Variants in SOX13 observed in about 807,000 individuals in gnomAD.
SOX13 encodes transcription factor SOX-13.
In SOX13, 28 loss-of-function variants were observed where a neutral mutation model predicts 71.8. The ratio of observed to expected loss-of-function variants is 0.39; its 90% CI spans 0.29 to 0.53. The LOEUF (loss-of-function observed/expected upper bound fraction) is 0.53. SOX13 is among the 20% of genes least tolerant of loss of function. The pLI is 0.70. For synonymous variants in SOX13, 309 were observed against 317.8 expected, an observed-to-expected ratio of 0.97 and a Z score of 0.29; for missense variants, 627 against 810.3, an observed-to-expected ratio of 0.77 and a Z score of 2.75.
intron 4 of SOX13, 26 bp from the exon 5 acceptor site, chr1:204,116,481 A>T (rs7551756): frequency 6.2e-7 from 1 of 1,612,432 alleles, no homozygotes; most frequent in East Asian, 2.2e-5. Flanking sequence ...AAAAGTCTCA[A>T]TGGGGTCTGT....
intron 1 of SOX13, among the ~76,000 whole-genome samples, chr1:204,110,804 T>C (rs1395395410): frequency 6.6e-6 from 1 of 152,162 alleles, no homozygotes; most frequent in Non-Finnish European, 1.5e-5. Flanking sequence ...AATACCATAC[T>C]GCACCTGGGA....
intron 4 of SOX13, among the ~76,000 whole-genome samples, chr1:204,115,074 C>G (rs1656660932): frequency 6.6e-6 from 1 of 151,234 alleles, no homozygotes; most frequent in African/African-American, 2.4e-5. Context: ...TGCAGTGGCA[C>G]AATCTTGGCT....
chr1:204,087,845 T>A (rs963925120), intron 1 of SOX13, among the ~76,000 whole-genome samples: 5 of 152,190 alleles, frequency 3.3e-5, no homozygotes, highest in Non-Finnish European at 5.9e-5. Context: ...CCTTCTAGTT[T>A]GGAAGGGCAG....
At chr1:204,077,649 T>G (rs1160908747) in intron 1 of SOX13, among the ~76,000 whole-genome samples, 1 of 152,234 alleles carries the variant, frequency 6.6e-6, no homozygotes, top group African/African-American at 2.4e-5. Context: ...ATGGCTATCA[T>G]GCACACACGC....
intron 1 of SOX13, among the ~76,000 whole-genome samples, chr1:204,076,838 C>T (rs1458385937): frequency 6.6e-6 from 1 of 152,234 alleles, no homozygotes; most frequent in East Asian, 1.9e-4. Context: ...TGTTGACCAC[C>T]TGCTATGTGC....
At chr1:204,115,238 G>A (rs2078375) in intron 4 of SOX13, among the ~76,000 whole-genome samples, 60,529 of 151,148 alleles carry the variant, frequency 0.4, 12,999 homozygotes, top group Middle Eastern at 0.55. Flanking sequence ...GAACCCCTGG[G>A]CCTAAACAGT....
At chr1:204,117,069 G>A in intron 5 of SOX13, 53 bp from the exon 6 acceptor site, 1 of 1,575,362 alleles carries the variant, frequency 6.3e-7, no homozygotes, top group Non-Finnish European at 8.7e-7. Flanking sequence ...GGGCAGACTG[G>A]GCACCAGGGC....
At chr1:204,110,565 A>G (rs1229040011) in intron 1 of SOX13, among the ~76,000 whole-genome samples, 1 of 152,018 alleles carries the variant, frequency 6.6e-6, no homozygotes, top group African/African-American at 2.4e-5. Flanking sequence ...AGTACAGATG[A>G]AATTTCTTTT....
chr1:204,122,200 G>A (rs1251221218), intron 8 of SOX13, 37 bp from the exon 9 acceptor site: 1 of 1,517,592 alleles, frequency 6.6e-7, no homozygotes, highest in East Asian at 2.4e-5. Context: ...GTGTCCTTTG[G>A]TGTCTGTCAT....
Position 204,123,041 on chromosome 1 carries a change from C to G in SOX13, c.1135-71C>G. On this transcript the variant is annotated intron_variant, in intron 10 of 13. Transcript: ENST00000367204. This position sits in a 1 kb window ranked among gnomAD's most constrained non-coding sequence, Gnocchi z 5.0. ...AGTGGAAGACACAGTCTGAGGCCAC[C>G]AAGAGAGGAGCATGGGGAGGAGTGG... is the stretch of plus-strand genomic sequence containing the variant. 1 of 1,519,532 alleles carries G rather than the reference C, an allele frequency of 6.6e-7. No homozygotes were observed. The highest frequency in any genetic ancestry group is 9.1e-7 in the Non-Finnish European group (1 of 1,097,504). The allele number at this position is 1,519,532 out of a possible 1,614,324, so 94.1% of individuals were successfully genotyped here.
At chr1:204,116,036 T>C in intron 4 of SOX13, 1 of 528,200 alleles carries the variant, frequency 1.9e-6, no homozygotes. Flanking sequence ...ACCAAGATTT[T>C]GAAAACCCTA....
At chr1:204,102,172 C>G (rs1032082006) in intron 1 of SOX13, among the ~76,000 whole-genome samples, 1 of 152,192 alleles carries the variant, frequency 6.6e-6, no homozygotes, top group Non-Finnish European at 1.5e-5. Context: ...TAATGCCCAG[C>G]CCACCCCAGT....
Position 204,114,653 on chromosome 1 carries a change from TCTC to T in SOX13, c.418+51_418+53del, listed in dbSNP as rs1183706227. 5 of 1,435,246 alleles carry T rather than the reference TCTC, an allele frequency of 3.5e-6. No individual in the cohort carries two copies. The Admixed American group carries it at 5.0e-5, about 14-fold the overall frequency. 88.9% of individuals were successfully genotyped at this position (1,435,246 alleles called of 1,614,324 possible). ...GGAGATGTTTGAACCCCATCTCTCTTCTCCTGGTCTGGCCACGCAGCCTGGCTC... is the reference window on the plus strand; with the variant it reads ...GGAGATGTTTGAACCCCATCTCTCTTCTGGTCTGGCCACGCAGCCTGGCTC... On this transcript the variant is annotated intron_variant, in intron 4 of 13. Transcript: ENST00000367204.
chr1:204,122,560 T>C, intron 9 of SOX13, 161 bp downstream of exon 9: 2 of 630,436 alleles, frequency 3.2e-6, no homozygotes, highest in Non-Finnish European at 5.5e-6. Flanking sequence ...TTCCTCTCCC[T>C]CATCATATCT....
At chr1:204,112,068 A>C (rs940654) in intron 1 of SOX13, among the ~76,000 whole-genome samples, 131,804 of 152,232 alleles carry the variant, frequency 0.87, 58,902 homozygotes, top group East Asian at 0.97. Context: ...TTTACCACAA[A>C]AACAATTGAG....
intron 1 of SOX13, among the ~76,000 whole-genome samples, chr1:204,110,111 C>T (rs1351869782): frequency 6.6e-6 from 1 of 152,082 alleles, no homozygotes; most frequent in Non-Finnish European, 1.5e-5. Context: ...GAATTACAGG[C>T]ATGAGCCGCC....
In SOX13 at chr1:204,113,102, G is replaced by C. The variant is rs777974329; in HGVS notation, c.187G>C (p.Ala63Pro). The change falls in exon 2 of 14, where the codon GCT becomes CCT. Residue 63 changes from alanine (A) to proline (P), a missense_variant. Physicochemically the swap from Ala to Pro is conservative, Grantham distance 27. Transcript: ENST00000367204. ...CTCCCAGGATAGTGCTGACCCCCAA[G>C]CTCCAGCCCAGGGGAATTTCAGGGG... ...RASQDSADPQ[A>P]PAQGNFRGSW... The C allele has an allele frequency of 1.3e-6, 2 of 1,580,090 alleles. No individual in the cohort carries two copies. The highest frequency in any genetic ancestry group is 1.7e-6 in the Non-Finnish European group (2 of 1,163,922).
Position 204,124,847 on chromosome 1 carries a change from T to C in SOX13, c.1582T>C (p.Tyr528His). 1.3e-6 allele frequency: 2 copies of C among 1,569,052 alleles called. No homozygotes were observed. The highest frequency in any genetic ancestry group is 1.7e-6 in the Non-Finnish European group (2 of 1,157,624). ...CCGGCGTCAGGATGCCCGCCAGAGC[T>C]ACGTGATCCCGTGAGCAGGCCCCCC... ...RTRRQDARQSYVIPPQAGQVQ... is the reference protein window; with the variant it reads ...RTRRQDARQSHVIPPQAGQVQ... Residue 528 changes from tyrosine (Y) to histidine (H), a missense_variant, in exon 13 of 14, where the codon TAC (tyrosine) becomes CAC (histidine). Around this residue, in one of 3 missense-constraint regions of SOX13, gnomAD observed 148 missense variants for 192.7 expected, o/e 0.77. Coordinates refer to ENST00000367204, the MANE Select transcript of SOX13 (RefSeq NM_005686.3).
rs137933772 is a variant in SOX13, at chr1:204,110,571, CTT to C, written c.-1-2339_-1-2338del. Among the ~76,000 whole-genome samples the C allele has an allele frequency of 2.7e-3, 418 of 152,000 alleles. 5 individuals are homozygous for C. Among genetic ancestry groups the C allele is most frequent in the East Asian group, 0.026 (132 of 5,162 alleles). Reference sequence around the variant, plus strand: ...TACTTGTTCAGTACAGATGAAATTTCTTTTTTAAATATTTTTGATCTGAGGTT... The same window carrying C: ...TACTTGTTCAGTACAGATGAAATTTCTTTTAAATATTTTTGATCTGAGGTT... On this transcript the variant is annotated intron_variant, in intron 1 of 13. Coordinates refer to ENST00000367204, the MANE Select transcript of SOX13 (RefSeq NM_005686.3).
Sources: gnomAD v4.1 joint callset for allele counts (sites outside exome capture counted in the v4.1 genomes callset) on GRCh38, gnomAD v4.1.1 for gene constraint, gnomAD v4.1.1 regional missense constraint, Gnocchi (gnomAD v3.1) non-coding constraint, MANE v1.5 for transcripts, NCBI Gene and HGNC (gene_info 2026-07-23, HGNC 2026-07-21) for gene names.